ADIPOR2: variants seen among roughly 807,000 people sequenced by gnomAD.
ADIPOR2 encodes the protein adiponectin receptor protein 2.
In ADIPOR2, 18 loss-of-function variants were observed where a neutral mutation model predicts 40.9. That is an observed-to-expected ratio of 0.44 (90% confidence interval 0.30 to 0.65). The LOEUF (loss-of-function observed/expected upper bound fraction) is 0.65, where lower values mean the gene tolerates loss of function less well. ADIPOR2 is among the 30% of genes least tolerant of loss of function. The pLI is 0.09. For missense variants in ADIPOR2, 283 were observed against 479.2 expected (o/e 0.59, Z 3.82); for synonymous variants, 165 against 166.4 (o/e 0.99, Z 0.06).
At chr12:1,721,588 TAATG>T (rs994201946) in intron 1 of ADIPOR2, among the ~76,000 whole-genome samples, 2 of 152,202 alleles carry the variant, frequency 1.3e-5, no homozygotes, top group African/African-American at 4.8e-5. Flanking sequence ...AGAAGACAGA[TAATG>T]TCTCTACTCT....
At chr12:1,724,900 A>G (rs2094704779) in intron 1 of ADIPOR2, among the ~76,000 whole-genome samples, 2 of 152,056 alleles carry the variant, frequency 1.3e-5, no homozygotes. Flanking sequence ...TTCAGTATTC[A>G]TTCATTCATT....
At chr12:1,763,304 C>T (rs1035222574) in intron 2 of ADIPOR2, among the ~76,000 whole-genome samples, 20 of 152,302 alleles carry the variant, frequency 1.3e-4, no homozygotes, top group Middle Eastern at 3.4e-3. Flanking sequence ...AATGCATATA[C>T]GGAAGTTCCA....
chr12:1,708,652 A>G (rs1162991555), intron 1 of ADIPOR2, among the ~76,000 whole-genome samples: 1 of 151,612 alleles, frequency 6.6e-6, no homozygotes, highest in Non-Finnish European at 1.5e-5. Flanking sequence ...AATTACTTTG[A>G]CCTTTGTTGA....
At chr12:1,723,014 T>C (rs2094700811) in intron 1 of ADIPOR2, among the ~76,000 whole-genome samples, 1 of 152,226 alleles carries the variant, frequency 6.6e-6, no homozygotes, top group African/African-American at 2.4e-5. Context: ...CTTTGCAAGC[T>C]CTAAATTGTT....
chr12:1,721,001 G>C (rs1211943529), intron 1 of ADIPOR2, among the ~76,000 whole-genome samples: 2 of 152,012 alleles, frequency 1.3e-5, no homozygotes, highest in East Asian at 3.9e-4. Flanking sequence ...CTCCCTCCCT[G>C]ATTTGAGTCT....
At chr12:1,747,775 T>G (rs1055798493) in intron 1 of ADIPOR2, among the ~76,000 whole-genome samples, 4 of 152,188 alleles carry the variant, frequency 2.6e-5, no homozygotes, top group Non-Finnish European at 5.9e-5. Flanking sequence ...TTGTTTCTGC[T>G]TAGAAGTCAG....
chr12:1,731,028 CA>C (rs2094719118), intron 1 of ADIPOR2: 1 of 152,138 alleles, frequency 6.6e-6, no homozygotes, highest in African/African-American at 2.4e-5. Flanking sequence ...ACAAAGCTAA[CA>C]ATAAAACATA....
At chr12:1,727,807 C>T (rs1448972109) in intron 1 of ADIPOR2, among the ~76,000 whole-genome samples, 5 of 151,292 alleles carry the variant, frequency 3.3e-5, no homozygotes, top group East Asian at 3.9e-4. Context: ...CTTCGGGGAG[C>T]GGTCCCCTAC....
intron 1 of ADIPOR2, among the ~76,000 whole-genome samples, chr12:1,699,038 C>G (rs2094644968): frequency 6.6e-6 from 1 of 152,140 alleles, no homozygotes; most frequent in African/African-American, 2.4e-5. Context: ...AGCTGCTTCA[C>G]CTATTTACAT....
intron 1 of ADIPOR2, among the ~76,000 whole-genome samples, chr12:1,723,058 C>T (rs2094700890): frequency 6.6e-6 from 1 of 152,082 alleles, no homozygotes; most frequent in South Asian, 2.1e-4. Context: ...TTTAAAATGC[C>T]CCATTATGTC....
chr12:1,716,737 G>A (rs139031637), intron 1 of ADIPOR2, among the ~76,000 whole-genome samples: 2 of 152,242 alleles, frequency 1.3e-5, no homozygotes, highest in African/African-American at 4.8e-5. Flanking sequence ...TTTATTTTCA[G>A]TCTTTATTTC....
chr12:1,710,797 AG>A (rs2094675137), intron 1 of ADIPOR2, among the ~76,000 whole-genome samples: 1 of 152,112 alleles, frequency 6.6e-6, no homozygotes, highest in Non-Finnish European at 1.5e-5. Context: ...GGGTCGGTCC[AG>A]GGGTCCTTGG....
chr12:1,724,682 A>AT (rs1277704218), intron 1 of ADIPOR2, among the ~76,000 whole-genome samples: 1 of 151,986 alleles, frequency 6.6e-6, no homozygotes, highest in African/African-American at 2.4e-5. Flanking sequence ...TGCCTGGCTA[A>AT]TTTTTTTGTT....
chr12:1,743,699 A>G (rs1025068788), intron 1 of ADIPOR2, among the ~76,000 whole-genome samples: 8 of 152,182 alleles, frequency 5.3e-5, no homozygotes, highest in South Asian at 2.1e-4. Flanking sequence ...ATACAACTCA[A>G]ATTTCCAGGT....
At chr12:1,724,148 A>AT (rs1483914548) in intron 1 of ADIPOR2, among the ~76,000 whole-genome samples, 1 of 151,856 alleles carries the variant, frequency 6.6e-6, no homozygotes, top group Non-Finnish European at 1.5e-5. Flanking sequence ...CGCCCAGCTA[A>AT]TTTTTTGTAT....
intron 1 of ADIPOR2, among the ~76,000 whole-genome samples, chr12:1,709,810 C>G (rs1190791744): frequency 6.6e-6 from 1 of 152,118 alleles, no homozygotes; most frequent in African/African-American, 2.4e-5. Context: ...AACTTGTTTT[C>G]ATTTGAATAC....
intron 1 of ADIPOR2, among the ~76,000 whole-genome samples, chr12:1,727,043 A>G (rs909642377): frequency 6.6e-6 from 1 of 152,238 alleles, no homozygotes; most frequent in Non-Finnish European, 1.5e-5. Context: ...ATTTCTGAAC[A>G]GAACTGACAC....
chr12:1,726,013 T>A (rs1423441570), intron 1 of ADIPOR2, among the ~76,000 whole-genome samples: 3 of 152,188 alleles, frequency 2.0e-5, no homozygotes, highest in Non-Finnish European at 4.4e-5. Context: ...CTGTTGGTTT[T>A]AAAAAAAATC....
At chr12:1,702,108 G>A (rs1181955788) in intron 1 of ADIPOR2, among the ~76,000 whole-genome samples, 39 of 151,412 alleles carry the variant, frequency 2.6e-4, no homozygotes, top group Admixed American at 2.5e-3. Context: ...GGTGATGAGC[G>A]AAACTCCATC....
Sources: allele counts gnomAD v4.1 joint callset (sites outside exome capture counted in the v4.1 genomes callset), GRCh38; gene constraint gnomAD v4.1.1; transcripts MANE v1.5; gene names NCBI Gene and HGNC (gene_info 2026-07-23, HGNC 2026-07-21).